CR1: variants seen among roughly 807,000 people sequenced by gnomAD.
CR1 encodes complement C3b/C4b receptor 1 (Knops blood group), also known as complement receptor type 1.
Under a neutral mutation model 187.3 loss-of-function variants are expected in CR1, and 116 were observed. That is an observed-to-expected ratio of 0.62 (90% CI 0.53 to 0.72). CR1 has a LOEUF of 0.72. Ranked by LOEUF, CR1 falls within the 30% of genes least tolerant of loss-of-function variation. CR1 has a pLI of 0.00. For synonymous variants in CR1, 576 were observed against 747.1 expected (o/e 0.77, Z 3.73); for missense variants, 1,731 against 2,110.7 (o/e 0.82, Z 3.52).
At position 207,596,532 on chromosome 1, in the gene CR1, T is replaced by C. The variant is rs574224810; in HGVS notation, c.5810+7758T>C. ...GGGAGGCTGAGGCAGGAGAATCACT[T>C]GAACCCGGGAGGCGGAGGTTGCAGT... On this transcript the variant is annotated intron_variant, in intron 35 of 46. Transcript: ENST00000367049. Among the ~76,000 whole-genome samples the C allele has an allele frequency of 3.9e-5, 6 of 152,182 alleles. No individual in the cohort carries two copies. The East Asian group carries it at 9.6e-4, about 24-fold the overall frequency.
At chr1:207,634,487 G>A (rs1662751160) in intron 46 of CR1, among the ~76,000 whole-genome samples, 1 of 152,156 alleles carries the variant, frequency 6.6e-6, no homozygotes, top group Non-Finnish European at 1.5e-5. Context: ...TAAAGAGGCA[G>A]GCTCCAAAGA....
intron 4 of CR1, 111 bp from the exon 5 acceptor site, chr1:207,523,500 G>T (rs557254347): frequency 1.3e-6 from 2 of 1,529,462 alleles, no homozygotes; most frequent in East Asian, 4.8e-5. Flanking sequence ...TGTTAGCAAA[G>T]ATTAAAAGCA....
intron 1 of CR1, among the ~76,000 whole-genome samples, chr1:207,499,522 C>A (rs1355542039): frequency 1.3e-5 from 2 of 152,194 alleles, no homozygotes; most frequent in Admixed American, 1.3e-4. Context: ...TTCAACAGCA[C>A]CATCAATCCA....
chr1:207,567,016 A>G (rs1332663014), intron 24 of CR1, among the ~76,000 whole-genome samples: 1 of 150,270 alleles, frequency 6.7e-6, no homozygotes, highest in Non-Finnish European at 1.5e-5. Context: ...CATGAATGAA[A>G]GCTCATTAAC....
At chr1:207,617,737 T>C (rs1662192064) in intron 41 of CR1, among the ~76,000 whole-genome samples, 1 of 150,470 alleles carries the variant, frequency 6.6e-6, no homozygotes, top group African/African-American at 2.4e-5. Flanking sequence ...CTGACAACTG[T>C]AGGCACATGT....
At chr1:207,630,473 T>G (rs369410116) in intron 45 of CR1, 44 bp from the exon 46 acceptor site, 2 of 1,269,564 alleles carry the variant, frequency 1.6e-6, no homozygotes, top group Admixed American at 2.7e-5. Flanking sequence ...AACAGATACT[T>G]AAATGATTAA....
intron 37 of CR1, among the ~76,000 whole-genome samples, chr1:207,610,051 G>A (rs1661875372): frequency 6.6e-6 from 1 of 152,164 alleles, no homozygotes; most frequent in Admixed American, 6.5e-5. Flanking sequence ...GAACAATAAT[G>A]TGTAATAGTG....
At chr1:207,508,446 C>G (rs768270571) in intron 3 of CR1, among the ~76,000 whole-genome samples, 15 of 152,156 alleles carry the variant, frequency 9.9e-5, no homozygotes, top group Non-Finnish European at 2.1e-4. Context: ...TGCTGTGAAC[C>G]AAAAACTGTG....
At chr1:207,524,040 G>T in intron 5 of CR1, 31 bp downstream of exon 5, 1 of 1,611,754 alleles carries the variant, frequency 6.2e-7, no homozygotes, top group Non-Finnish European at 8.5e-7. Flanking sequence ...GAAGGGCCCT[G>T]CCAGTGACAT....
rs748672006 is a variant in CR1 at position 207,618,177 on chromosome 1, G to T, written c.6996G>T (p.Leu2332=). 4.9e-5 allele frequency: 79 copies of T among 1,613,698 alleles called. No individual in the cohort carries two copies. The highest frequency in any genetic ancestry group is 5.7e-5 in the Non-Finnish European group (67 of 1,179,788). The change falls in exon 42 of 47, where the codon CTG becomes CTT. Residue 2332 remains leucine, a synonymous_variant. Coordinates refer to ENST00000367049, the MANE Select transcript of CR1 (RefSeq NM_000651.6). The part of the protein sequence containing the change: ...TISYICDPGY[L]LVGKGFIFCT... ...GCTACATTTGTGACCCCGGCTACCT[G>T]TTAGTGGGAAAGGGCTTCATTTTCT...
chr1:207,518,433 C>T (rs1659870189), intron 4 of CR1, among the ~76,000 whole-genome samples: 1 of 152,158 alleles, frequency 6.6e-6, no homozygotes, highest in Non-Finnish European at 1.5e-5. Context: ...TCCACTTGTT[C>T]TCTCAGTTAT....
chr1:207,629,152 T>C (rs547548632), intron 45 of CR1, among the ~76,000 whole-genome samples: 5 of 152,328 alleles, frequency 3.3e-5, no homozygotes, highest in African/African-American at 1.2e-4. Flanking sequence ...GAGCCCATTA[T>C]TGCCTCTTGT....
intron 23 of CR1, among the ~76,000 whole-genome samples, chr1:207,564,562 A>C (rs1258280917): frequency 6.7e-6 from 1 of 150,164 alleles, no homozygotes; most frequent in Non-Finnish European, 1.5e-5. Flanking sequence ...CACCTTTGGG[A>C]GGTTGAGGCA....
At chr1:207,576,604 G>A (rs180814127) in intron 28 of CR1, among the ~76,000 whole-genome samples, 4 of 152,288 alleles carry the variant, frequency 2.6e-5, no homozygotes, top group African/African-American at 4.8e-5. Flanking sequence ...GATGGCTTTA[G>A]CCCAGGAGTT....
rs1232570790 is a variant in CR1 at position 207,538,120 on chromosome 1, A to C, written c.1752-1861A>C. Among the ~76,000 whole-genome samples, 2 of 18,790 alleles carry C rather than the reference A, an allele frequency of 1.1e-4. 1 individual carries two copies. Among genetic ancestry groups the C allele is most frequent in the East Asian group, 2.0e-3 (2 of 1,020 alleles). The allele number at this position is 18,790 out of a possible 152,430, so 12.3% of individuals were successfully genotyped here. A position where few individuals can be genotyped will look rare whatever the true frequency, so the allele number is the denominator to read the frequency against. ...TATATATATATATATATATATATAT[A>C]TATCACAATGAATATTGCAGAAAAT... On this transcript the variant is annotated intron_variant, in intron 11 of 46. Transcript: ENST00000367049.
chr1:207,618,631 G>GA (rs1182747433), intron 42 of CR1, among the ~76,000 whole-genome samples: 2 of 151,916 alleles, frequency 1.3e-5, no homozygotes, highest in East Asian at 1.9e-4. Context: ...TTGTATCTAG[G>GA]AAAAAAATAT....
chr1:207,513,627 T>C (rs1307704772), intron 4 of CR1, among the ~76,000 whole-genome samples: 1 of 152,192 alleles, frequency 6.6e-6, no homozygotes, highest in Non-Finnish European at 1.5e-5. Flanking sequence ...TCTGGAAAAC[T>C]TAATTCCAAA....
chr1:207,584,636 G>A lies in CR1; in HGVS notation c.5303-13G>A. ...ATTTTTTATGGAATTGAGAGCTCTT[G>A]TTTTCTTTCTAGATATCTTTTGTCC... On this transcript the variant is annotated splice_polypyrimidine_tract_variant and intron_variant, in intron 32 of 46. Coordinates refer to ENST00000367049, the MANE Select transcript of CR1 (RefSeq NM_000651.6). The A allele has an allele frequency of 6.2e-7, 1 of 1,611,790 alleles. No individual in the cohort carries two copies. The highest frequency in any genetic ancestry group is 1.7e-4 in the Middle Eastern group (1 of 6,026).
intron 5 of CR1, 108 bp downstream of exon 5, chr1:207,524,117 G>A: frequency 1.3e-6 from 2 of 1,596,314 alleles, no homozygotes; most frequent in Non-Finnish European, 1.7e-6. Flanking sequence ...GCAGGGTCGA[G>A]GAGCAAATTT....
Sources: gnomAD v4.1 joint callset for allele counts (sites outside exome capture counted in the v4.1 genomes callset) on GRCh38, gnomAD v4.1.1 for gene constraint, MANE v1.5 for transcripts, NCBI Gene and HGNC (gene_info 2026-07-23, HGNC 2026-07-21) for gene names.